PCDHA8: variants seen among roughly 807,000 people sequenced by gnomAD.
The protein encoded by PCDHA8 is protocadherin alpha-8.
PCDHA8 carries 53 observed loss-of-function variants against 61.8 expected under a neutral mutation model. The ratio of observed to expected loss-of-function variants is 0.86; its 90% CI spans 0.69 to 1.08. The LOEUF (loss-of-function observed/expected upper bound fraction) is 1.08. Among genes scored for constraint, PCDHA8 ranks in the 50% least tolerant of loss-of-function variants. The pLI is 0.00. For synonymous variants in PCDHA8, 618 were observed against 556.6 expected, an observed-to-expected ratio of 1.11 and a Z score of -1.55; for missense variants, 1,293 against 1,245.0, an observed-to-expected ratio of 1.04 and a Z score of -0.58.
intron 1 of PCDHA8, among the ~76,000 whole-genome samples, chr5:140,961,132 T>G (rs1186627628): frequency 6.6e-6 from 1 of 152,238 alleles, no homozygotes; most frequent in Admixed American, 6.5e-5. Context: ...GTCTTGGCAC[T>G]TAAGAGTTGG....
At chr5:140,909,505 G>A (rs2074548695) in intron 1 of PCDHA8, among the ~76,000 whole-genome samples, 1 of 152,168 alleles carries the variant, frequency 6.6e-6, no homozygotes. Flanking sequence ...GGATGTGGTG[G>A]GAATCACAAC....
intron 1 of PCDHA8, among the ~76,000 whole-genome samples, chr5:140,976,501 A>G (rs568983330): frequency 6.6e-6 from 1 of 152,240 alleles, no homozygotes; most frequent in East Asian, 1.9e-4. Context: ...CAGGGAGCCA[A>G]GATCGCGCCA....
chr5:140,873,098 T>C (rs1281569389), intron 1 of PCDHA8, among the ~76,000 whole-genome samples: 1 of 152,200 alleles, frequency 6.6e-6, no homozygotes, highest in Non-Finnish European at 1.5e-5. Flanking sequence ...TATAGAGGCA[T>C]AACATACCAT....
At position 140,982,478 on chromosome 5, in the gene PCDHA8, T is replaced by C; in HGVS notation, c.2457T>C (p.Ser819=). ...CTGGGTCTGTGTGTTTATTCAGCTCTGTGCACCTAGAGGAGGCTGGCATTC... is the reference window on the plus strand; with the variant it reads ...CTGGGTCTGTGTGTTTATTCAGCTCCGTGCACCTAGAGGAGGCTGGCATTC... ...SASLRAGMHS[S]VHLEEAGILR... Residue 819 remains serine (S), a synonymous_variant, in exon 3 of 4, where the codon TCT becomes TCC. Coordinates refer to ENST00000531613, the MANE Select transcript of PCDHA8 (RefSeq NM_018911.3). 1 of 1,614,192 alleles carries C rather than the reference T, an allele frequency of 6.2e-7. No individual in the cohort carries two copies. The highest frequency in any genetic ancestry group is 2.2e-5 in the East Asian group (1 of 44,884).
intron 1 of PCDHA8, chr5:140,871,378 T>C: frequency 6.2e-7 from 1 of 1,614,188 alleles, no homozygotes; most frequent in South Asian, 1.1e-5. Context: ...GAGGGTGTGC[T>C]CTGAGGAGGG....
chr5:140,945,689 T>G (rs529270613), intron 1 of PCDHA8, among the ~76,000 whole-genome samples: 30 of 152,170 alleles, frequency 2.0e-4, no homozygotes, highest in African/African-American at 7.0e-4. Context: ...ACAGTTACTG[T>G]CCACTGATTT....
chr5:140,855,223 T>G lies in PCDHA8; in HGVS notation c.2394+11508T>G, dbSNP rs79371036. 4.7e-3 allele frequency among the ~76,000 whole-genome samples: 698 copies of G among 149,962 alleles called. 54 individuals are homozygous for G. Among genetic ancestry groups the G allele is most frequent in the Non-Finnish European group, 8.3e-3 (557 of 67,056 alleles). ...ATAGTTTCCATTTATGAAGCACTCATTCTCCTTAAGGTACTATTGCAAGCA... is the reference window on the plus strand; with the variant it reads ...ATAGTTTCCATTTATGAAGCACTCAGTCTCCTTAAGGTACTATTGCAAGCA... On this transcript the variant is annotated intron_variant, in intron 1 of 3. Coordinates refer to ENST00000531613, the MANE Select transcript of PCDHA8 (RefSeq NM_018911.3).
Position 140,869,893 on chromosome 5 carries a change from C to G in PCDHA8, c.2394+26178C>G, listed in dbSNP as rs375422597. 3 of 1,610,510 alleles carry G rather than the reference C, an allele frequency of 1.9e-6. No homozygotes were observed. The African/African-American group carries it at 4.0e-5, about 21-fold the overall frequency. ...TGCTAAAGAAACTCTTGTGCTCAAA[C>G]TAAACGCCACAGACCGAGACGAAGG... On this transcript the variant is annotated intron_variant, in intron 1 of 3. Transcript: ENST00000531613.
chr5:140,941,214 C>CTTTCTTTCTTTCTGTCTTT, intron 1 of PCDHA8, among the ~76,000 whole-genome samples: 1 of 122,492 alleles, frequency 8.2e-6, no homozygotes, highest in African/African-American at 3.1e-5. Flanking sequence ...TTTCTTTCTT[C>CTTTCTTTCTTTCTGTCTTT]CTTTCTTTCT....
chr5:140,852,779 T>C, intron 1 of PCDHA8: 1 of 979,786 alleles, frequency 1.0e-6, no homozygotes, highest in South Asian at 4.8e-5. Flanking sequence ...TTGATGTGAA[T>C]AGAGGGATGC....
intron 1 of PCDHA8, chr5:140,871,086 G>A (rs556097993): frequency 6.6e-5 from 106 of 1,613,256 alleles, no homozygotes; most frequent in Middle Eastern, 1.6e-4. Flanking sequence ...TGACGGCCAC[G>A]GCCACCGTGC....
chr5:140,884,479 C>T, intron 1 of PCDHA8: 1 of 1,613,914 alleles, frequency 6.2e-7, no homozygotes, highest in Non-Finnish European at 8.5e-7. Context: ...CGGGCAAGCC[C>T]ACTCTAGTGT....
chr5:140,851,300 A>G (rs2042018039), intron 1 of PCDHA8: 2 of 1,017,502 alleles, frequency 2.0e-6, no homozygotes, highest in East Asian at 1.2e-4. Context: ...GCAAAAATAT[A>G]TAGCAATTGT....
intron 1 of PCDHA8, chr5:140,929,740 A>G (rs2086345950): frequency 5.1e-6 from 1 of 196,656 alleles, no homozygotes; most frequent in African/African-American, 2.3e-5. Context: ...AACTATTGCA[A>G]TGCATTATTA....
chr5:140,988,847 C>A (rs2097315589), intron 3 of PCDHA8: 1 of 152,186 alleles, frequency 6.6e-6, no homozygotes, highest in African/African-American at 2.4e-5. Context: ...CTCCTGAAAC[C>A]TATCCAGTCT....
At chr5:140,861,996 G>T (rs988991562) in intron 1 of PCDHA8, 4 of 155,486 alleles carry the variant, frequency 2.6e-5, no homozygotes, top group African/African-American at 9.7e-5. Context: ...AAGGTACACT[G>T]GTTATTAGAC....
chr5:140,969,251 A>G, intron 1 of PCDHA8: 1 of 1,614,262 alleles, frequency 6.2e-7, no homozygotes, highest in South Asian at 1.1e-5. Flanking sequence ...AGTGACTGAC[A>G]GCAGGAATCT....
rs2150357061 is a variant in PCDHA8, at chr5:140,843,307, G to A, written c.1986G>A (p.Thr662=). 9.4e-6 allele frequency: 15 copies of A among 1,595,858 alleles called. 1 individual carries two copies. In the African/African-American group the frequency reaches 1.1e-4, roughly 11 times the overall value. ...KDHGEPALTA[T]ATVLVSLVES... Reference sequence around the variant, plus strand: ...ATGGTGAACCTGCGCTGACCGCCACGGCCACGGTTCTGGTGTCGCTGGTGG... The same window carrying A: ...ATGGTGAACCTGCGCTGACCGCCACAGCCACGGTTCTGGTGTCGCTGGTGG... Residue 662 remains threonine (T), a synonymous_variant, in exon 1 of 4, where the codon ACG becomes ACA. Coordinates refer to ENST00000531613, the MANE Select transcript of PCDHA8 (RefSeq NM_018911.3).
chr5:140,989,775 C>G (rs1286076429), intron 3 of PCDHA8, among the ~76,000 whole-genome samples: 1 of 152,178 alleles, frequency 6.6e-6, no homozygotes, highest in Non-Finnish European at 1.5e-5. Flanking sequence ...CAAGCACTGG[C>G]TAGAGACTAG....
Sources: gnomAD v4.1 joint callset for allele counts (sites outside exome capture counted in the v4.1 genomes callset) on GRCh38, gnomAD v4.1.1 for gene constraint, MANE v1.5 for transcripts, NCBI Gene and HGNC (gene_info 2026-07-23, HGNC 2026-07-21) for gene names.